SMPD3: variants seen among roughly 807,000 people sequenced by gnomAD.
SMPD3 encodes nSMase-2.
A neutral mutation model predicts 55.7 loss-of-function variants in SMPD3; 21 were observed. The observed-to-expected ratio is 0.38, with a 90% CI of 0.27 to 0.54. SMPD3 has a LOEUF of 0.54. Among genes scored for constraint, SMPD3 ranks in the 20% least tolerant of loss-of-function variants. SMPD3 has a pLI of 0.80. For missense variants in SMPD3, 842 were observed against 899.6 expected, an observed-to-expected ratio of 0.94 and a Z score of 0.82; for synonymous variants, 457 against 404.3, an observed-to-expected ratio of 1.13 and a Z score of -1.56.
At chr16:68,365,654 G>C (rs916307752) in intron 3 of SMPD3, among the ~76,000 whole-genome samples, 1 of 152,088 alleles carries the variant, frequency 6.6e-6, no homozygotes, top group African/African-American at 2.4e-5. Context: ...CCGTGGTCCC[G>C]TTGTCACCCG....
intron 1 of SMPD3, among the ~76,000 whole-genome samples, chr16:68,410,169 C>T (rs116154235): frequency 6.6e-6 from 1 of 152,208 alleles, no homozygotes; most frequent in Non-Finnish European, 1.5e-5. Flanking sequence ...AGAGGACCTG[C>T]AGCCAGTACC....
At chr16:68,374,132 C>T (rs1166917658) in intron 2 of SMPD3, among the ~76,000 whole-genome samples, 3 of 152,218 alleles carry the variant, frequency 2.0e-5, no homozygotes, top group African/African-American at 7.2e-5. Flanking sequence ...GCCCTAGAGT[C>T]CCAGGCTTGC....
rs2090619099 is a variant in SMPD3 at position 68,447,444 on chromosome 16, C to G, written c.-269+909G>C. Among the ~76,000 whole-genome samples the G allele has an allele frequency of 6.6e-6, 1 of 152,304 alleles. No homozygotes were observed. The highest frequency in any genetic ancestry group is 1.9e-4 in the East Asian group (1 of 5,180). Reference sequence around the variant, plus strand: ...CGTGGTGGGCTAGGGCGGGTCGTCTCGACTTAGAGCCCCAGGCCTGGATCC... The same window carrying G: ...CGTGGTGGGCTAGGGCGGGTCGTCTGGACTTAGAGCCCCAGGCCTGGATCC... On this transcript the variant is annotated intron_variant, in intron 1 of 8. Transcript: ENST00000219334. This position sits in a 1 kb window ranked among gnomAD's most constrained non-coding sequence, Gnocchi z 5.1.
At chr16:68,414,377 C>G (rs2090323492) in intron 1 of SMPD3, among the ~76,000 whole-genome samples, 1 of 152,232 alleles carries the variant, frequency 6.6e-6, no homozygotes, top group African/African-American at 2.4e-5. Flanking sequence ...TGTGACCCTT[C>G]TTTAGCAAGG....
rs779368866 is a variant in SMPD3 at position 68,371,502 on chromosome 16, C to T, written c.680G>A (p.Gly227Asp). The T allele has an allele frequency of 2.5e-6, 4 of 1,598,664 alleles. No individual in the cohort carries two copies. The highest frequency in any genetic ancestry group is 3.4e-6 in the Non-Finnish European group (4 of 1,179,436). The change falls in exon 3 of 9, where the codon GGC becomes GAC. Residue 227 changes from glycine (G) to aspartate (D), a missense_variant. Physicochemically the swap from Gly to Asp is moderately conservative, Grantham distance 94 (BLOSUM62 -1). Around this residue, in one of 2 missense-constraint regions of SMPD3, gnomAD observed 649 missense variants for 643.6 expected, o/e 1.01. Transcript: ENST00000219334. ...GRHPGDEAAN[G>D]PASGDPVDSS... ...GTCGACAGGGTCCCCAGAGGCTGGGCCGTTGGCAGCCTCGTCACCGGGGTG... is the reference window on the plus strand; with the variant it reads ...GTCGACAGGGTCCCCAGAGGCTGGGTCGTTGGCAGCCTCGTCACCGGGGTG...
At chr16:68,364,930 T>G in intron 4 of SMPD3, 24 bp from the exon 5 acceptor site, 1 of 1,612,828 alleles carries the variant, frequency 6.2e-7, no homozygotes, top group Non-Finnish European at 8.5e-7. Context: ...GTACAGAGAC[T>G]GGATGATGAA....
At chr16:68,411,913 G>T (rs1343864250) in intron 1 of SMPD3, among the ~76,000 whole-genome samples, 1 of 152,114 alleles carries the variant, frequency 6.6e-6, no homozygotes, top group African/African-American at 2.4e-5. Flanking sequence ...CAGGAGTCTG[G>T]ATCAGCACCT....
intron 1 of SMPD3, among the ~76,000 whole-genome samples, chr16:68,439,471 CA>C (rs1811110025): frequency 6.6e-6 from 1 of 152,214 alleles, no homozygotes. Flanking sequence ...AGACTATCCC[CA>C]AATAACTTAG....
intron 1 of SMPD3, among the ~76,000 whole-genome samples, chr16:68,439,303 G>T (rs2152034038): frequency 6.6e-6 from 1 of 152,256 alleles, no homozygotes; most frequent in East Asian, 1.9e-4. Context: ...CCCGTTCCTT[G>T]GTTCACTCTG....
At chr16:68,408,977 A>C (rs1022559530) in intron 1 of SMPD3, among the ~76,000 whole-genome samples, 4 of 152,082 alleles carry the variant, frequency 2.6e-5, no homozygotes, top group African/African-American at 9.7e-5. Context: ...ACCGCTATGG[A>C]GTGCACACCA....
Position 68,435,523 on chromosome 16 carries a change from C to A in SMPD3, c.-269+12830G>T, listed in dbSNP as rs182750442. Among the ~76,000 whole-genome samples, 136 of 152,110 alleles carry A rather than the reference C, an allele frequency of 8.9e-4. 1 individual carries two copies. In the Middle Eastern group the frequency reaches 0.027, roughly 30 times the overall value. ...TTCAAGTTGGTTGCTCCCCCGTATC[C>A]CCTAACACAGAGGTGCCAGTTCTGC... On this transcript the variant is annotated intron_variant, in intron 1 of 8. Transcript: ENST00000219334.
chr16:68,428,441 G>T (rs1042228185), intron 1 of SMPD3, among the ~76,000 whole-genome samples: 1 of 152,232 alleles, frequency 6.6e-6, no homozygotes, highest in Non-Finnish European at 1.5e-5. Context: ...CTGCAGATTT[G>T]CAGGGAGCAG....
At chr16:68,408,813 T>C (rs1008814769) in intron 1 of SMPD3, among the ~76,000 whole-genome samples, 1 of 152,234 alleles carries the variant, frequency 6.6e-6, no homozygotes, top group Admixed American at 6.5e-5. Context: ...TTCTGCCTGG[T>C]ACTGGCAGCT....
At position 68,359,051 on chromosome 16, in the gene SMPD3, T is replaced by G. The variant is rs777712002; in HGVS notation, c.*2155A>C. ...GACTTGCCTAAGGCCGCCTGTGAGG[T>G]GGGAGGGGAGGAGCATGCAGCCCTG... On this transcript the variant is annotated 3_prime_UTR_variant, in exon 9 of 9. Transcript: ENST00000219334. The G allele has an allele frequency of 4.6e-5, 7 of 152,232 alleles. No homozygotes were observed. The highest frequency in any genetic ancestry group is 1.0e-4 in the Non-Finnish European group (7 of 67,958). 9.4% of individuals were successfully genotyped at this position (152,232 alleles called of 1,614,324 possible).
chr16:68,364,089 T>G (rs1176875793), intron 5 of SMPD3, among the ~76,000 whole-genome samples: 1 of 152,200 alleles, frequency 6.6e-6, no homozygotes, highest in Non-Finnish European at 1.5e-5. Flanking sequence ...CGCCCTGATC[T>G]TCAGCATTCC....
intron 1 of SMPD3, among the ~76,000 whole-genome samples, chr16:68,411,646 G>A (rs1167831763): frequency 6.6e-6 from 1 of 152,216 alleles, no homozygotes; most frequent in Non-Finnish European, 1.5e-5. Context: ...ACCCAGCAGT[G>A]GGGGAACAGC....
intron 6 of SMPD3, 95 bp downstream of exon 6, chr16:68,363,682 C>T: frequency 3.4e-6 from 5 of 1,458,904 alleles, no homozygotes; most frequent in Non-Finnish European, 3.7e-6. Context: ...GGGCCCTTCC[C>T]CAGCAGTGGG....
chr16:68,422,300 T>C (rs1294860289), intron 1 of SMPD3, among the ~76,000 whole-genome samples: 2 of 152,186 alleles, frequency 1.3e-5, no homozygotes, highest in South Asian at 2.1e-4. Context: ...GAGGAAATAT[T>C]GTGATTCTGC....
At chr16:68,438,425 G>C (rs544665812) in intron 1 of SMPD3, among the ~76,000 whole-genome samples, 183 of 152,296 alleles carry the variant, frequency 1.2e-3, no homozygotes, top group African/African-American at 4.3e-3. Context: ...CTCTGGCTTT[G>C]AGACACTTGG....
Sources: gnomAD v4.1 joint callset for allele counts (sites outside exome capture counted in the v4.1 genomes callset) on GRCh38, gnomAD v4.1.1 for gene constraint, gnomAD v4.1.1 regional missense constraint, Gnocchi (gnomAD v3.1) non-coding constraint, MANE v1.5 for transcripts, NCBI Gene and HGNC (gene_info 2026-07-23, HGNC 2026-07-21) for gene names.